CHD9: variants seen among roughly 807,000 people sequenced by gnomAD.
CHD9 encodes the protein chromodomain helicase DNA binding protein 9.
In CHD9, 77 loss-of-function variants were observed where a neutral mutation model predicts 316.1. That is an observed-to-expected ratio of 0.24 (90% CI 0.20 to 0.29). CHD9 has a LOEUF of 0.29. CHD9 is among the 10% of genes least tolerant of loss of function. CHD9 has a pLI of 1.00. For synonymous variants in CHD9, 1,129 were observed against 1,158.3 expected (o/e 0.97, Z 0.51); for missense variants, 2,763 against 3,438.1 (o/e 0.80, Z 4.91).
At chr16:53,212,280 C>G (rs2046391626) in intron 3 of CHD9, among the ~76,000 whole-genome samples, 1 of 151,932 alleles carries the variant, frequency 6.6e-6, no homozygotes, top group Non-Finnish European at 1.5e-5. Flanking sequence ...TGGTGGGCAC[C>G]TGTAGTGCCA....
In CHD9 at chr16:53,304,533, C is replaced by T; in HGVS notation, c.6527C>T (p.Ser2176Phe). The T allele has an allele frequency of 6.5e-7, 1 of 1,546,582 alleles. No homozygotes were observed. Among genetic ancestry groups the T allele is most frequent in the African/African-American group, 1.4e-5 (1 of 73,022 alleles). Residue 2176 changes from serine (S) to phenylalanine (F), a missense_variant, in exon 31 of 39, where the codon TCT (serine) becomes TTT (phenylalanine). Coordinates refer to ENST00000447540, the MANE Select transcript of CHD9 (RefSeq NM_001308319.2). ...TCTTCATCTTGTTCTTCAGCATCTT[C>T]TTCATCCTCTTCCTCCACCTCTTCC... Reference protein sequence around the residue: ...SSSSSCSSASSSSSSSTSSSS... With the variant: ...SSSSSCSSASFSSSSSTSSSS...
At chr16:53,228,318 G>A (rs547868207) in intron 7 of CHD9, among the ~76,000 whole-genome samples, 2 of 151,860 alleles carry the variant, frequency 1.3e-5, no homozygotes, top group South Asian at 2.1e-4. Context: ...GCCAGCCTGG[G>A]CAATATAGTG....
intron 1 of CHD9, among the ~76,000 whole-genome samples, chr16:53,132,025 G>T (rs2039362904): frequency 6.6e-6 from 1 of 152,196 alleles, no homozygotes; most frequent in Non-Finnish European, 1.5e-5. Context: ...GAAAGCCCGG[G>T]TGTCTCACTG....
intron 37 of CHD9, 130 bp downstream of exon 37, chr16:53,318,470 G>A: frequency 1.5e-6 from 1 of 672,348 alleles, no homozygotes; most frequent in Non-Finnish European, 2.4e-6. Context: ...AGATTTCTGA[G>A]GGAAGACATG....
intron 1 of CHD9, among the ~76,000 whole-genome samples, chr16:53,091,007 C>CT (rs555506167): frequency 6.6e-6 from 1 of 151,874 alleles, no homozygotes; most frequent in Non-Finnish European, 1.5e-5. Context: ...GCTCACCCCC[C>CT]CCCGACTGAC....
intron 3 of CHD9, among the ~76,000 whole-genome samples, chr16:53,211,675 A>G (rs1303555995): frequency 1.3e-5 from 2 of 152,202 alleles, no homozygotes; most frequent in African/African-American, 4.8e-5. Flanking sequence ...TCGCAGGCAG[A>G]TAAGTAGTAT....
intron 2 of CHD9, among the ~76,000 whole-genome samples, chr16:53,163,405 T>C (rs546676385): frequency 2.3e-4 from 35 of 152,224 alleles, no homozygotes; most frequent in African/African-American, 7.7e-4. Context: ...AGACAAGGTT[T>C]CTCCATGTTC....
intron 34 of CHD9, 52 bp downstream of exon 34, chr16:53,308,906 C>T: frequency 1.4e-6 from 2 of 1,424,676 alleles, no homozygotes; most frequent in Non-Finnish European, 1.9e-6. Context: ...CTGTCATGTC[C>T]AAATCTTCTT....
At chr16:53,167,944 T>C (rs927213641) in intron 2 of CHD9, among the ~76,000 whole-genome samples, 3 of 152,106 alleles carry the variant, frequency 2.0e-5, no homozygotes, top group Non-Finnish European at 2.9e-5. Context: ...CTAGGATTTT[T>C]CCCCCTAATT....
intron 29 of CHD9, among the ~76,000 whole-genome samples, chr16:53,295,961 G>A (rs533321969): frequency 3.3e-5 from 5 of 152,250 alleles, no homozygotes; most frequent in African/African-American, 1.2e-4. Context: ...TTCATAATCT[G>A]ACCCAAACCC....
In CHD9 at chr16:53,307,840, A is replaced by C. The variant is rs760749146; in HGVS notation, c.6940A>C (p.Ser2314Arg). 23 of 1,613,860 alleles carry C rather than the reference A, an allele frequency of 1.4e-5. No individual in the cohort carries two copies. The South Asian group carries it at 1.4e-4, about 10-fold the overall frequency. Residue 2314 changes from serine (S) to arginine (R), a missense_variant, in exon 33 of 39, where the codon AGT (serine) becomes CGT (arginine). Transcript: ENST00000447540. ...PGAATEYSDP[S>R]VPTPPGAGVK... Reference sequence around the variant, plus strand: ...AGCAGCTACAGAATACAGCGATCCCAGTGTACCCACTCCCCCAGGTGCCGG... The same window carrying C: ...AGCAGCTACAGAATACAGCGATCCCCGTGTACCCACTCCCCCAGGTGCCGG...
intron 3 of CHD9, among the ~76,000 whole-genome samples, chr16:53,216,227 A>G (rs528754174): frequency 6.6e-5 from 10 of 152,324 alleles, no homozygotes; most frequent in African/African-American, 2.2e-4. Context: ...TGATGGAAGA[A>G]TGGAGTGTTC....
At chr16:53,223,926 G>A (rs1049043694) in intron 4 of CHD9, among the ~76,000 whole-genome samples, 7 of 152,114 alleles carry the variant, frequency 4.6e-5, no homozygotes, top group African/African-American at 1.7e-4. Flanking sequence ...ATCTAAAAAT[G>A]TGATTTGGTA....
chr16:53,259,466 T>A (rs1186289847), intron 19 of CHD9, among the ~76,000 whole-genome samples: 1 of 152,120 alleles, frequency 6.6e-6, no homozygotes, highest in African/African-American at 2.4e-5. Context: ...TTTCAATTAC[T>A]TCATGTTTAA....
At chr16:53,129,747 C>A (rs987224657) in intron 1 of CHD9, among the ~76,000 whole-genome samples, 1 of 152,312 alleles carries the variant, frequency 6.6e-6, no homozygotes, top group Admixed American at 6.5e-5. Context: ...ACATTTAATT[C>A]TTTTGTCTAG....
At chr16:53,256,122 T>G (rs1052269895) in intron 19 of CHD9, among the ~76,000 whole-genome samples, 3 of 152,158 alleles carry the variant, frequency 2.0e-5, no homozygotes, top group African/African-American at 7.2e-5. Context: ...TCAACTTTCA[T>G]AATTTGAAGA....
chr16:53,182,558 T>C (rs1304024128), intron 2 of CHD9, among the ~76,000 whole-genome samples: 1 of 152,246 alleles, frequency 6.6e-6, no homozygotes, highest in Non-Finnish European at 1.5e-5. Context: ...CTGGGTCATT[T>C]GATACAAAAG....
At chr16:53,196,985 C>G (rs1235761827) in intron 2 of CHD9, among the ~76,000 whole-genome samples, 1 of 152,204 alleles carries the variant, frequency 6.6e-6, no homozygotes, top group Non-Finnish European at 1.5e-5. Context: ...AAAGATGCTT[C>G]TCTCCTCCCA....
chr16:53,061,298 T>C (rs2032874440), intron 1 of CHD9, among the ~76,000 whole-genome samples: 1 of 152,184 alleles, frequency 6.6e-6, no homozygotes, highest in Non-Finnish European at 1.5e-5. Context: ...TAAGTGTTCA[T>C]CTGATTTGAG....
Sources: allele counts gnomAD v4.1 joint callset (sites outside exome capture counted in the v4.1 genomes callset), GRCh38; gene constraint gnomAD v4.1.1; transcripts MANE v1.5; gene names NCBI Gene and HGNC (gene_info 2026-07-23, HGNC 2026-07-21).